Variants in PTPRZ1 observed in about 807,000 individuals in gnomAD.
The protein encoded by PTPRZ1 is receptor-type tyrosine-protein phosphatase zeta.
In PTPRZ1, 82 loss-of-function variants were observed where a neutral mutation model predicts 214.1. That is an observed-to-expected ratio of 0.38 (90% CI 0.32 to 0.46). The LOEUF is 0.46. Among genes scored for constraint, PTPRZ1 ranks in the 20% least tolerant of loss-of-function variants. The pLI is 1.00. For synonymous variants in PTPRZ1, 945 were observed against 987.9 expected, an observed-to-expected ratio of 0.96 and a Z score of 0.81; for missense variants, 2,603 against 2,748.7, an observed-to-expected ratio of 0.95 and a Z score of 1.19.
intron 15 of PTPRZ1, chr7:122,031,955 T>C (rs969465931): frequency 3.3e-5 from 5 of 153,104 alleles, no homozygotes; most frequent in African/African-American, 1.2e-4. Context: ...CTGTGATTTG[T>C]ACACCAGTGT....
chr7:121,916,505 A>T lies in PTPRZ1; in HGVS notation c.59-11651A>T, dbSNP rs111750722. Among the ~76,000 whole-genome samples, 609 of 152,346 alleles carry T rather than the reference A, an allele frequency of 4.0e-3. 5 individuals are homozygous for T. The highest frequency in any genetic ancestry group is 0.013 in the African/African-American group (557 of 41,574). On this transcript the variant is annotated intron_variant, in intron 1 of 29. Coordinates refer to ENST00000393386, the MANE Select transcript of PTPRZ1 (RefSeq NM_002851.3). Reference sequence around the variant, plus strand: ...CATGTTTGTTCCAAATGAGTTAACTATTCCAAAATAAATAATATCTAACCC... The same window carrying T: ...CATGTTTGTTCCAAATGAGTTAACTTTTCCAAAATAAATAATATCTAACCC...
chr7:122,004,371 G>T (rs1275857805), intron 10 of PTPRZ1, among the ~76,000 whole-genome samples: 2 of 152,104 alleles, frequency 1.3e-5, no homozygotes, highest in Non-Finnish European at 2.9e-5. Context: ...GAAGGGAGTG[G>T]AGTGGGAGGT....
At position 122,053,949 on chromosome 7, in the gene PTPRZ1, C is replaced by T; in HGVS notation, c.6292C>T (p.Pro2098Ser). 6.2e-7 allele frequency: 1 copy of T among 1,613,196 alleles called. No homozygotes were observed. The highest frequency in any genetic ancestry group is 8.5e-7 in the Non-Finnish European group (1 of 1,179,374). The part of the protein sequence containing the change: ...QSNEFIITQH[P>S]LLHTIKDFWR... Reference sequence around the variant, plus strand: ...CAATGAATTCATCATTACCCAGCACCCTCTCCTTCATACCATCAAGGATTT... The same window carrying T: ...CAATGAATTCATCATTACCCAGCACTCTCTCCTTCATACCATCAAGGATTT... The change falls in exon 26 of 30, where the codon CCT becomes TCT. Residue 2098 changes from proline to serine, a missense_variant. Pro to Ser is a moderately conservative substitution (Grantham distance 74). This residue lies in a region of PTPRZ1 where 134 missense variants were observed against 183.3 expected (regional missense o/e 0.73). Coordinates refer to ENST00000393386, the MANE Select transcript of PTPRZ1 (RefSeq NM_002851.3).
At chr7:122,057,251 T>C (rs1295859550) in intron 27 of PTPRZ1, among the ~76,000 whole-genome samples, 6 of 152,052 alleles carry the variant, frequency 3.9e-5, no homozygotes, top group Admixed American at 2.0e-4. Context: ...ATCAGGAATG[T>C]ATGAGTGCAC....
intron 13 of PTPRZ1, among the ~76,000 whole-genome samples, chr7:122,027,851 C>T (rs1365467606): frequency 6.6e-6 from 1 of 152,142 alleles, no homozygotes; most frequent in Non-Finnish European, 1.5e-5. Context: ...TCGAAACCCT[C>T]ATCAACAAGA....
At chr7:121,946,005 A>G (rs184655617) in intron 2 of PTPRZ1, among the ~76,000 whole-genome samples, 2 of 152,192 alleles carry the variant, frequency 1.3e-5, no homozygotes, top group African/African-American at 4.8e-5. Flanking sequence ...TCCTTCACTC[A>G]TTAAAAGTTC....
chr7:121,985,069 CTTTTATTG>C (rs1482389339), intron 8 of PTPRZ1, among the ~76,000 whole-genome samples: 1 of 151,996 alleles, frequency 6.6e-6, no homozygotes, highest in Non-Finnish European at 1.5e-5. Flanking sequence ...AAACAACAAG[CTTTTATTG>C]TTTTAATGTG....
chr7:121,994,174 C>A lies in PTPRZ1; in HGVS notation c.929-2208C>A, dbSNP rs551836634. ...AGGCGAGACAAACATAGACATCCAA[C>A]CAAAGTCGTTTCTGCTGCTTAGGCA... On this transcript the variant is annotated intron_variant, in intron 8 of 29. Transcript: ENST00000393386. Among the ~76,000 whole-genome samples, 4 of 152,144 alleles carry A rather than the reference C, an allele frequency of 2.6e-5. No individual in the cohort carries two copies. In the South Asian group the frequency reaches 8.3e-4, roughly 32 times the overall value.
intron 22 of PTPRZ1, among the ~76,000 whole-genome samples, chr7:122,044,135 G>C (rs948265164): frequency 6.6e-6 from 1 of 152,172 alleles, no homozygotes; most frequent in African/African-American, 2.4e-5. Context: ...AGGATAGGCA[G>C]AGAGGACATT....
chr7:121,913,384 A>G (rs1370730139), intron 1 of PTPRZ1, among the ~76,000 whole-genome samples: 1 of 152,222 alleles, frequency 6.6e-6, no homozygotes, highest in African/African-American at 2.4e-5. Flanking sequence ...AGGCACAAAG[A>G]ACATTATCAC....
At chr7:121,994,037 G>A (rs1798055377) in intron 8 of PTPRZ1, among the ~76,000 whole-genome samples, 1 of 151,958 alleles carries the variant, frequency 6.6e-6, no homozygotes, top group Non-Finnish European at 1.5e-5. Flanking sequence ...ACAAGGAGGA[G>A]AACAAAGAAG....
At chr7:121,921,790 T>C (rs1190169481) in intron 1 of PTPRZ1, among the ~76,000 whole-genome samples, 4 of 152,202 alleles carry the variant, frequency 2.6e-5, no homozygotes. Flanking sequence ...ATATATATAC[T>C]ATAAAAAGTG....
chr7:122,032,844 A>G (rs1799423226), intron 15 of PTPRZ1, among the ~76,000 whole-genome samples: 1 of 152,194 alleles, frequency 6.6e-6, no homozygotes, highest in African/African-American at 2.4e-5. Flanking sequence ...GTAGGGTGGA[A>G]TAATATAAAT....
chr7:122,060,898 C>T (rs1426302792), intron 29 of PTPRZ1, among the ~76,000 whole-genome samples, 182 bp from the exon 30 acceptor site: 3 of 152,106 alleles, frequency 2.0e-5, no homozygotes, highest in Non-Finnish European at 4.4e-5. Context: ...CCGATTGCAA[C>T]GTTAATTTAA....
chr7:121,930,843 T>C (rs80091966), intron 2 of PTPRZ1, among the ~76,000 whole-genome samples: 5,648 of 152,276 alleles, frequency 0.037, 115 homozygotes, highest in East Asian at 0.085. Flanking sequence ...TTTATAAAAA[T>C]CATGACTGTT....
At chr7:121,929,234 A>G in intron 2 of PTPRZ1, among the ~76,000 whole-genome samples, 1 of 152,250 alleles carries the variant, frequency 6.6e-6, no homozygotes, top group South Asian at 2.1e-4. Flanking sequence ...GACAGTTTTT[A>G]TTATCCAAAA....
chr7:121,989,456 C>G (rs568150787), intron 8 of PTPRZ1, among the ~76,000 whole-genome samples: 1 of 147,664 alleles, frequency 6.8e-6, no homozygotes, highest in South Asian at 2.2e-4. Context: ...CTCACCGCAA[C>G]CTCCGCCTCC....
In PTPRZ1 at chr7:122,055,004, G is replaced by T. The variant is rs532272778; in HGVS notation, c.6445G>T (p.Val2149Phe). The T allele has an allele frequency of 1.2e-6, 2 of 1,607,630 alleles. No homozygotes were observed. The highest frequency in any genetic ancestry group is 1.7e-6 in the Non-Finnish European group (2 of 1,175,508). Residue 2149 changes from valine to phenylalanine, a missense_variant, in exon 27 of 30, where the codon GTC becomes TTC. Physicochemically the swap from Val to Phe is conservative, Grantham distance 50. Transcript: ENST00000393386. The stretch of plus-strand genomic sequence containing the variant: ...GCCTATAAATTGTGAGAGCTTTAAG[G>T]TCACTCTTATGGCTGAAGAACACAA... ...DEPINCESFK[V>F]TLMAEEHKCL... is the part of the protein sequence containing the mutation.
intron 9 of PTPRZ1, among the ~76,000 whole-genome samples, chr7:121,997,610 T>G (rs1397320589): frequency 6.6e-6 from 1 of 151,818 alleles, no homozygotes; most frequent in Non-Finnish European, 1.5e-5. Flanking sequence ...ATTTATGAAT[T>G]TGATGAGTTC....
Sources: allele counts gnomAD v4.1 joint callset (sites outside exome capture counted in the v4.1 genomes callset), GRCh38; gene constraint gnomAD v4.1.1; regional missense constraint gnomAD v4.1.1; transcripts MANE v1.5; gene names NCBI Gene and HGNC (gene_info 2026-07-23, HGNC 2026-07-21).